PRCP: variants seen among roughly 807,000 people sequenced by gnomAD.
PRCP encodes the protein lysosomal Pro-X carboxypeptidase.
Under a neutral mutation model 54.2 loss-of-function variants are expected in PRCP, and 46 were observed. The ratio of observed to expected loss-of-function variants is 0.85; its 90% CI spans 0.67 to 1.09. The LOEUF (loss-of-function observed/expected upper bound fraction) is 1.09, where lower values mean the gene tolerates loss of function less well. Among genes scored for constraint, PRCP ranks in the 50% least tolerant of loss-of-function variants. PRCP has a pLI of 0.00. For missense variants in PRCP, 613 were observed against 596.8 expected (o/e 1.03, Z -0.28); for synonymous variants, 240 against 212.2 (o/e 1.13, Z -1.14).
At chr11:82,862,099 A>T (rs1180639190) in intron 1 of PRCP, among the ~76,000 whole-genome samples, 1 of 152,118 alleles carries the variant, frequency 6.6e-6, no homozygotes, top group African/African-American at 2.4e-5. Flanking sequence ...CCAAAAAAAA[A>T]TCCAAAATCT....
intron 8 of PRCP, chr11:82,835,815 C>A (rs557919114): frequency 4.0e-6 from 2 of 498,892 alleles, no homozygotes; most frequent in East Asian, 5.5e-5. Flanking sequence ...GTTCAAGAAC[C>A]AGATGAACCA....
intron 1 of PRCP, among the ~76,000 whole-genome samples, chr11:82,866,511 C>A (rs561348468): frequency 6.6e-6 from 1 of 151,934 alleles, no homozygotes; most frequent in African/African-American, 2.4e-5. Flanking sequence ...TCCTAACATG[C>A]CCCTAATCTT....
At chr11:82,887,945 T>G (rs1346596791) in intron 1 of PRCP, among the ~76,000 whole-genome samples, 1 of 152,132 alleles carries the variant, frequency 6.6e-6, no homozygotes, top group Middle Eastern at 3.2e-3. Context: ...ATCTTTCCCT[T>G]TTTGTTCCAT....
At chr11:82,829,339 C>G (rs1351162498) in intron 8 of PRCP, 1 of 152,290 alleles carries the variant, frequency 6.6e-6, no homozygotes, top group Non-Finnish European at 1.5e-5. Flanking sequence ...ATTACTCTCT[C>G]ACTTACTAAC....
intron 8 of PRCP, chr11:82,825,375 G>A: frequency 2.5e-6 from 1 of 405,456 alleles, no homozygotes; most frequent in African/African-American, 2.0e-5. Context: ...AACCTAGACT[G>A]TACTGGGATA....
intron 6 of PRCP, among the ~76,000 whole-genome samples, chr11:82,844,377 C>T (rs1858750521): frequency 1.3e-5 from 2 of 152,214 alleles, no homozygotes; most frequent in East Asian, 3.9e-4. Context: ...GAGCTAAAAT[C>T]ATGCCATTGC....
At chr11:82,849,262 A>G in intron 5 of PRCP, 44 bp from the exon 6 acceptor site, 1 of 1,595,096 alleles carries the variant, frequency 6.3e-7, no homozygotes, top group Admixed American at 1.7e-5. Context: ...AGTACTGGTC[A>G]ACAGATGTCT....
At chr11:82,884,367 G>C (rs1340190448) in intron 1 of PRCP, among the ~76,000 whole-genome samples, 2 of 152,044 alleles carry the variant, frequency 1.3e-5, no homozygotes, top group African/African-American at 4.8e-5. Flanking sequence ...AGACCAACCT[G>C]GGCAACCTGT....
rs1215228295 is a variant in PRCP, at chr11:82,850,489, T to C, written c.428A>G (p.Asn143Ser). ...DNSFKDSRHL[N>S]FLTSEQALAD... ...CAGAGCTTGTTCTGATGTCAGGAAA[T>C]TCAAGTGTCTGGAATCCTAAAGAAA... Residue 143 changes from asparagine to serine, a missense_variant, in exon 4 of 9, where the codon AAT (asparagine) becomes AGT (serine). Coordinates refer to ENST00000313010, the MANE Select transcript of PRCP (RefSeq NM_005040.4). 6.4e-7 allele frequency: 1 copy of C among 1,569,396 alleles called. No individual in the cohort carries two copies. The highest frequency in any genetic ancestry group is 8.7e-7 in the Non-Finnish European group (1 of 1,154,472).
intron 5 of PRCP, among the ~76,000 whole-genome samples, chr11:82,849,655 A>G (rs10751081): frequency 0.47 from 70,714 of 151,950 alleles, 16,598 homozygotes; most frequent in Admixed American, 0.53. Flanking sequence ...GGGTAGGTAT[A>G]GAGGTAGTGA....
In PRCP at chr11:82,850,076, A is replaced by G. The variant is rs745552190; in HGVS notation, c.594-5T>C. 2 of 1,370,392 alleles carry G rather than the reference A, an allele frequency of 1.5e-6. No individual in the cohort carries two copies. Among genetic ancestry groups the G allele is most frequent in the Non-Finnish European group, 1.9e-6 (2 of 1,058,452 alleles). The allele number at this position is 1,370,392 out of a possible 1,614,324, so 84.9% of individuals were successfully genotyped here. Reference sequence around the variant, plus strand: ...GGGGCAGAAGCTGCAAGAGCTCTAAATGGCAAGAAAATCAAAGAAAGAAAA... The same window carrying G: ...GGGGCAGAAGCTGCAAGAGCTCTAAGTGGCAAGAAAATCAAAGAAAGAAAA... On this transcript the variant is annotated splice_polypyrimidine_tract_variant and splice_region_variant and intron_variant, in intron 4 of 8. Coordinates refer to ENST00000313010, the MANE Select transcript of PRCP (RefSeq NM_005040.4).
At chr11:82,879,338 C>A (rs1220614316) in intron 1 of PRCP, among the ~76,000 whole-genome samples, 1 of 152,196 alleles carries the variant, frequency 6.6e-6, no homozygotes, top group African/African-American at 2.4e-5. Context: ...GAAGCTTGTG[C>A]ATGCATCACG....
intron 1 of PRCP, among the ~76,000 whole-genome samples, chr11:82,868,178 C>T (rs1467901936): frequency 6.6e-6 from 1 of 151,976 alleles, no homozygotes; most frequent in Non-Finnish European, 1.5e-5. Flanking sequence ...ATGCATTGTT[C>T]TGTATGTATA....
At position 82,900,297 on chromosome 11, in the gene PRCP, T is replaced by C. The variant is rs199579322; in HGVS notation, c.106A>G (p.Thr36Ala). 7 of 1,614,244 alleles carry C rather than the reference T, an allele frequency of 4.3e-6. No individual in the cohort carries two copies. The highest frequency in any genetic ancestry group is 1.1e-5 in the South Asian group (1 of 91,086). ...ACAGCCGGGAGGGATGTGGGGTTGG[T>C]TGGCAAGTGTAGGCTGCCGAGGGCC... ...LRALGSLHLP[T>A]NPTSLPAVAK... Residue 36 changes from threonine (T) to alanine (A), a missense_variant, in exon 1 of 9, where the codon ACC (threonine) becomes GCC (alanine). Thr to Ala is a moderately conservative substitution (Grantham distance 58). Coordinates refer to ENST00000313010, the MANE Select transcript of PRCP (RefSeq NM_005040.4).
intron 1 of PRCP, among the ~76,000 whole-genome samples, chr11:82,890,519 C>G (rs564641531): frequency 2.1e-4 from 32 of 152,188 alleles, no homozygotes; most frequent in Non-Finnish European, 4.4e-4. Context: ...GTCACTTTCT[C>G]ACTCTCTCGG....
At chr11:82,891,604 G>C (rs538419518) in intron 1 of PRCP, among the ~76,000 whole-genome samples, 2 of 151,842 alleles carry the variant, frequency 1.3e-5, no homozygotes, top group South Asian at 2.1e-4. Flanking sequence ...TCTCTCCCTG[G>C]GGCATGTCCC....
intron 2 of PRCP, among the ~76,000 whole-genome samples, chr11:82,856,612 C>T (rs1859087428): frequency 1.3e-5 from 2 of 152,024 alleles, no homozygotes; most frequent in Admixed American, 1.3e-4. Context: ...TGGGATCATT[C>T]ATACACCAAA....
At position 82,849,234 on chromosome 11, in the gene PRCP, C is replaced by T; in HGVS notation, c.752-16G>A. 2 of 1,613,168 alleles carry T rather than the reference C, an allele frequency of 1.2e-6. No individual in the cohort carries two copies. The highest frequency in any genetic ancestry group is 2.2e-5 in the South Asian group (2 of 90,986). ...AAACCACTGCCTGGGAATAGAATCA[C>T]ACTGTTGGAATCTAAAAAGTACTGG... On this transcript the variant is annotated splice_polypyrimidine_tract_variant and intron_variant, in intron 5 of 8. Transcript: ENST00000313010.
intron 1 of PRCP, 91 bp downstream of exon 1, chr11:82,900,144 G>T: frequency 6.7e-7 from 1 of 1,486,072 alleles, no homozygotes; most frequent in South Asian, 1.2e-5. Flanking sequence ...CAAGGGGTGT[G>T]AATTTCGAGG....
Sources: gnomAD v4.1 joint callset for allele counts (sites outside exome capture counted in the v4.1 genomes callset) on GRCh38, gnomAD v4.1.1 for gene constraint, MANE v1.5 for transcripts, NCBI Gene and HGNC (gene_info 2026-07-23, HGNC 2026-07-21) for gene names.